The following LMBR1 variants were observed in gnomAD, a reference collection of about 807,000 sequenced individuals.
LMBR1 encodes limb development membrane protein 1, also known as limb region 1 protein homolog.
In LMBR1, 52 loss-of-function variants were observed where a neutral mutation model predicts 73.9. That is an observed-to-expected ratio of 0.70 (90% CI 0.56 to 0.89). The LOEUF is 0.89. Among genes scored for constraint, LMBR1 ranks in the 40% least tolerant of loss-of-function variants. The pLI is 0.00. For missense variants in LMBR1, 539 were observed against 579.8 expected, an observed-to-expected ratio of 0.93 and a Z score of 0.72; for synonymous variants, 215 against 209.4, an observed-to-expected ratio of 1.03 and a Z score of -0.23.
chr7:156,841,712 C>T (rs1648841665), intron 1 of LMBR1, among the ~76,000 whole-genome samples: 1 of 152,058 alleles, frequency 6.6e-6, no homozygotes, highest in African/African-American at 2.4e-5. Context: ...TCACTGGTGA[C>T]CTTGACAAGA....
downstream of LMBR1, chr7:156,675,892 G>A: frequency 1.9e-6 from 3 of 1,602,864 alleles, no homozygotes; most frequent in Non-Finnish European, 2.6e-6. Context: ...CTGGCAACCA[G>A]CAGACTCAGC....
chr7:156,865,559 T>C (rs1025491738), intron 1 of LMBR1, among the ~76,000 whole-genome samples: 1 of 152,196 alleles, frequency 6.6e-6, no homozygotes, highest in Non-Finnish European at 1.5e-5. Context: ...TCCTACTTTC[T>C]TACAGAAATT....
intron 9 of LMBR1, among the ~76,000 whole-genome samples, chr7:156,752,933 T>C (rs1303647722): frequency 4.2e-5 from 6 of 141,670 alleles, no homozygotes; most frequent in Non-Finnish European, 7.5e-5. Context: ...TCCAGGAATG[T>C]AAACTGTGCA....
At chr7:156,772,534 C>A (rs1825391597) in intron 5 of LMBR1, among the ~76,000 whole-genome samples, 1 of 152,078 alleles carries the variant, frequency 6.6e-6, no homozygotes, top group African/African-American at 2.4e-5. Flanking sequence ...GAAGTCCTGG[C>A]CAGAGCAATC....
At chr7:156,689,592 C>G (rs184848202) in intron 15 of LMBR1, among the ~76,000 whole-genome samples, 4 of 152,164 alleles carry the variant, frequency 2.6e-5, no homozygotes, top group Non-Finnish European at 5.9e-5. Context: ...CTTCTGTAGC[C>G]ACTTCTACCC....
At chr7:156,813,140 C>G (rs1379892338) in intron 4 of LMBR1, among the ~76,000 whole-genome samples, 2 of 152,162 alleles carry the variant, frequency 1.3e-5, no homozygotes, top group Non-Finnish European at 2.9e-5. Context: ...TTTTGTTGCT[C>G]AGGCTGGTCT....
intron 5 of LMBR1, among the ~76,000 whole-genome samples, chr7:156,775,478 T>TA (rs1229752978): frequency 6.6e-6 from 1 of 152,178 alleles, no homozygotes; most frequent in African/African-American, 2.4e-5. Flanking sequence ...CCTCTAATTG[T>TA]AAAAAAACAG....
At chr7:156,676,316 G>T (rs757503238), downstream of LMBR1, 4 of 1,611,478 alleles carry the variant, frequency 2.5e-6, no homozygotes, top group South Asian at 4.4e-5. Context: ...CGCATGTTTC[G>T]AAGACCCATG....
At chr7:156,707,367 T>C (rs1811183151) in intron 15 of LMBR1, among the ~76,000 whole-genome samples, 1 of 152,184 alleles carries the variant, frequency 6.6e-6, no homozygotes, top group Non-Finnish European at 1.5e-5. Context: ...GCGGAGGGAA[T>C]TCTTCCTAAG....
intron 1 of LMBR1, among the ~76,000 whole-genome samples, chr7:156,839,116 C>A (rs1450349466): frequency 7.5e-6 from 1 of 132,748 alleles, no homozygotes; most frequent in African/African-American, 2.9e-5. Flanking sequence ...ATGGCGCGAT[C>A]TTGGCTCATT....
intron 9 of LMBR1, among the ~76,000 whole-genome samples, chr7:156,738,031 C>G (rs1455659623): frequency 6.6e-6 from 1 of 152,170 alleles, no homozygotes; most frequent in Admixed American, 6.5e-5. Flanking sequence ...GGTGAGCACT[C>G]ACAGTACCTG....
At chr7:156,833,930 T>C in intron 2 of LMBR1, 138 bp from the exon 3 acceptor site, 1 of 593,670 alleles carries the variant, frequency 1.7e-6, no homozygotes, top group Non-Finnish European at 2.9e-6. Context: ...ACTGTATTTG[T>C]TTCAGCATAG....
chr7:156,775,717 G>C (rs1826008735), intron 5 of LMBR1, among the ~76,000 whole-genome samples: 2 of 152,024 alleles, frequency 1.3e-5, no homozygotes, highest in Non-Finnish European at 2.9e-5. Context: ...ATTTTTTAGA[G>C]TGGGTGTGTA....
At chr7:156,750,790 G>C (rs1281471883) in intron 9 of LMBR1, among the ~76,000 whole-genome samples, 1 of 152,120 alleles carries the variant, frequency 6.6e-6, no homozygotes, top group Non-Finnish European at 1.5e-5. Flanking sequence ...AATAAGGTGC[G>C]GTGGCTCCCA....
At chr7:156,859,713 C>T (rs2365750) in intron 1 of LMBR1, among the ~76,000 whole-genome samples, 69,837 of 152,018 alleles carry the variant, frequency 0.46, 16,257 homozygotes, top group East Asian at 0.61. Context: ...GTTGTTAACA[C>T]GTCAGTTCTA....
intron 4 of LMBR1, among the ~76,000 whole-genome samples, chr7:156,814,196 C>T (rs1833542621): frequency 6.6e-6 from 1 of 152,174 alleles, no homozygotes; most frequent in East Asian, 1.9e-4. Context: ...TCCCAGATCT[C>T]TTTTTCTTTC....
At chr7:156,689,883 T>C (rs529409924) in intron 15 of LMBR1, among the ~76,000 whole-genome samples, 18 of 152,348 alleles carry the variant, frequency 1.2e-4, no homozygotes, top group Non-Finnish European at 2.2e-4. Flanking sequence ...TCATTTAGCC[T>C]AGGAAGTGAT....
At chr7:156,874,813 C>A (rs1051952623) in intron 1 of LMBR1, among the ~76,000 whole-genome samples, 1 of 152,186 alleles carries the variant, frequency 6.6e-6, no homozygotes, top group African/African-American at 2.4e-5. Context: ...GAGCCCTAGA[C>A]CTTCCCTCTG....
At chr7:156,788,472 TA>T (rs569562810) in intron 5 of LMBR1, among the ~76,000 whole-genome samples, 1 of 152,204 alleles carries the variant, frequency 6.6e-6, no homozygotes, top group South Asian at 2.1e-4. Flanking sequence ...AGGAATTTTT[TA>T]AAATAGAAAA....
Sources: gnomAD v4.1 joint callset for allele counts (sites outside exome capture counted in the v4.1 genomes callset) on GRCh38, gnomAD v4.1.1 for gene constraint, MANE v1.5 for transcripts, NCBI Gene and HGNC (gene_info 2026-07-23, HGNC 2026-07-21) for gene names.